Variants in CCDC192 observed in about 807,000 individuals in gnomAD.
CCDC192 encodes coiled-coil domain-containing protein 192.
intron 6 of CCDC192, among the ~76,000 whole-genome samples, chr5:127,889,900 C>A (rs1249355683): frequency 6.7e-6 from 1 of 148,792 alleles, no homozygotes; most frequent in African/African-American, 2.5e-5. Flanking sequence ...TTTTTTGGAT[C>A]CAATATTCAA....
At chr5:127,732,652 A>G (rs1197370430) in intron 2 of CCDC192, among the ~76,000 whole-genome samples, 2 of 152,256 alleles carry the variant, frequency 1.3e-5, no homozygotes, top group Admixed American at 1.3e-4. Flanking sequence ...ACCATGGAGT[A>G]CTATGCAGTC....
At chr5:127,869,514 A>C (rs1751757764) in intron 5 of CCDC192, among the ~76,000 whole-genome samples, 1 of 152,154 alleles carries the variant, frequency 6.6e-6, no homozygotes, top group African/African-American at 2.4e-5. Flanking sequence ...GGACAACTCT[A>C]CTATTAGAAA....
At chr5:127,793,008 G>T (rs1756967268) in intron 3 of CCDC192, among the ~76,000 whole-genome samples, 1 of 152,080 alleles carries the variant, frequency 6.6e-6, no homozygotes, top group African/African-American at 2.4e-5. Context: ...ACAAAATACA[G>T]CATAGATTGG....
At chr5:127,739,247 T>G (rs1385970034) in intron 2 of CCDC192, among the ~76,000 whole-genome samples, 1 of 152,024 alleles carries the variant, frequency 6.6e-6, no homozygotes, top group African/African-American at 2.4e-5. Flanking sequence ...TGCCCGGGGG[T>G]CAGGGGTCAG....
chr5:127,749,440 GC>G (rs1243613174), intron 2 of CCDC192, among the ~76,000 whole-genome samples: 1 of 151,808 alleles, frequency 6.6e-6, no homozygotes, highest in Non-Finnish European at 1.5e-5. Flanking sequence ...TATTGAACCA[GC>G]CTTGCATCCC....
At chr5:127,798,345 G>A (rs1757291174) in intron 5 of CCDC192, among the ~76,000 whole-genome samples, 183 bp downstream of exon 5, 1 of 152,046 alleles carries the variant, frequency 6.6e-6, no homozygotes, top group Non-Finnish European at 1.5e-5. Flanking sequence ...TGATTTTTGT[G>A]GATGACCAAA....
At chr5:127,854,374 A>G (rs1373808703) in intron 5 of CCDC192, among the ~76,000 whole-genome samples, 1 of 152,190 alleles carries the variant, frequency 6.6e-6, no homozygotes, top group African/African-American at 2.4e-5. Context: ...GGTTACCCAC[A>G]GTAGAGTACA....
At position 127,842,068 on chromosome 5, in the gene CCDC192, G is replaced by A. The variant is rs1456309428; in HGVS notation, c.412-33470G>A. ...CCCATTGCTTTTTGTAAGGAAAATG[G>A]GCGGAGGTGCCAGCTCCTCTGAATT... On this transcript the variant is annotated intron_variant, in intron 5 of 6. Coordinates refer to ENST00000514853, the MANE Select transcript of CCDC192 (RefSeq NM_001317938.2). Among the ~76,000 whole-genome samples the A allele has an allele frequency of 3.9e-5, 6 of 152,194 alleles. No individual in the cohort carries two copies. In the South Asian group the frequency reaches 1.2e-3, roughly 31 times the overall value.
At chr5:127,773,955 A>T (rs1171681168) in intron 3 of CCDC192, among the ~76,000 whole-genome samples, 2 of 152,172 alleles carry the variant, frequency 1.3e-5, no homozygotes, top group Admixed American at 1.3e-4. Context: ...TATAGTCATA[A>T]TAGTAGGTAT....
At chr5:127,768,638 T>C (rs576419638) in intron 3 of CCDC192, among the ~76,000 whole-genome samples, 1 of 152,342 alleles carries the variant, frequency 6.6e-6, no homozygotes, top group Non-Finnish European at 1.5e-5. Context: ...ATTATTATGC[T>C]TCTAAGTAGA....
intron 6 of CCDC192, among the ~76,000 whole-genome samples, chr5:127,881,703 T>G (rs577746803): frequency 1.6e-4 from 24 of 152,334 alleles, no homozygotes; most frequent in African/African-American, 5.0e-4. Context: ...GAAAAGCCCC[T>G]TTATTACAAA....
chr5:127,909,682 C>T (rs1753292882), intron 6 of CCDC192, among the ~76,000 whole-genome samples: 2 of 152,106 alleles, frequency 1.3e-5, no homozygotes, highest in Admixed American at 1.3e-4. Flanking sequence ...GTCCAGGGCA[C>T]TTCCTAATAG....
At chr5:127,788,578 A>G (rs192092040) in intron 3 of CCDC192, among the ~76,000 whole-genome samples, 17 of 152,266 alleles carry the variant, frequency 1.1e-4, no homozygotes, top group Admixed American at 4.6e-4. Flanking sequence ...TATATATTTT[A>G]TGTCCTTTTT....
intron 2 of CCDC192, among the ~76,000 whole-genome samples, chr5:127,722,669 C>G (rs961214150): frequency 6.6e-6 from 1 of 152,114 alleles, no homozygotes; most frequent in Non-Finnish European, 1.5e-5. Flanking sequence ...TTTCATTCTT[C>G]TCCATATGGA....
chr5:127,739,266 T>C (rs1479061683), intron 2 of CCDC192, among the ~76,000 whole-genome samples: 1 of 152,206 alleles, frequency 6.6e-6, no homozygotes, highest in Non-Finnish European at 1.5e-5. Flanking sequence ...AGGGACCCAC[T>C]TGAGGAGGCA....
chr5:127,906,979 C>T (rs971974049), intron 6 of CCDC192, among the ~76,000 whole-genome samples: 4 of 152,124 alleles, frequency 2.6e-5, no homozygotes, highest in African/African-American at 7.2e-5. Flanking sequence ...CAAATTTTCT[C>T]TACATGTTTG....
intron 3 of CCDC192, among the ~76,000 whole-genome samples, chr5:127,764,524 A>G (rs1755108269): frequency 6.6e-6 from 1 of 152,126 alleles, no homozygotes; most frequent in Non-Finnish European, 1.5e-5. Flanking sequence ...TGCAGGCTCA[A>G]TTTACCACTT....
intron 3 of CCDC192, chr5:127,785,840 T>C: frequency 2.8e-6 from 1 of 354,076 alleles, no homozygotes; most frequent in Non-Finnish European, 5.6e-6. Context: ...CGCATTGTTG[T>C]TTATGAAGCA....
chr5:127,848,238 G>A (rs534435136), intron 5 of CCDC192, among the ~76,000 whole-genome samples: 3 of 152,236 alleles, frequency 2.0e-5, no homozygotes, highest in East Asian at 1.9e-4. Flanking sequence ...AACCCTTCAC[G>A]TGGTCACACA....
Sources: gnomAD v4.1 joint callset for allele counts (sites outside exome capture counted in the v4.1 genomes callset) on GRCh38, gnomAD v4.1.1 for gene constraint, MANE v1.5 for transcripts, NCBI Gene and HGNC (gene_info 2026-07-23, HGNC 2026-07-21) for gene names.